Variants in NLGN4Y observed in about 807,000 individuals in gnomAD.
NLGN4Y encodes the protein neuroligin 4 Y-linked.
A neutral mutation model predicts 8.4 loss-of-function variants in NLGN4Y; 4 were observed. The observed-to-expected ratio is 0.48, with a 90% confidence interval of 0.23 to 1.09. The LOEUF is 1.09. Ranked by LOEUF, NLGN4Y falls within the 50% of genes least tolerant of loss-of-function variation. The probability of loss-of-function intolerance (pLI) is 0.19; values close to 1 mark genes in which losing one functional copy is unlikely to be tolerated. For synonymous variants in NLGN4Y, 35 were observed against 75.6 expected (o/e 0.46, Z 2.78); for missense variants, 90 against 192.3 (o/e 0.47, Z 3.15).
intron 1 of NLGN4Y, among the ~76,000 whole-genome samples, chrY:14,562,259 AG>A (rs2080230855): frequency 3.0e-5 from 1 of 33,400 alleles, no homozygotes; most frequent in South Asian, 6.7e-4. Flanking sequence ...GATGTAAGAA[AG>A]GGGTCCAGTT....
chrY:14,680,377 C>T, intron 2 of NLGN4Y, among the ~76,000 whole-genome samples: 3 of 33,119 alleles, frequency 9.1e-5, no homozygotes, highest in African/African-American at 3.5e-4. Context: ...TTGTTTGAAA[C>T]TTTACCTGTG....
chrY:14,764,195 CCTTT>C (rs2081087984), intron 4 of NLGN4Y, among the ~76,000 whole-genome samples: 4 of 33,065 alleles, frequency 1.2e-4, no homozygotes, highest in African/African-American at 4.7e-4. Flanking sequence ...GCAATGATCA[CCTTT>C]CTTTCATTGT....
At chrY:14,618,923 A>T (rs2080499298) in intron 1 of NLGN4Y, among the ~76,000 whole-genome samples, 1 of 33,769 alleles carries the variant, frequency 3.0e-5, no homozygotes, top group Admixed American at 2.7e-4. Context: ...ATTTTTTGCA[A>T]ATTTGCTAAA....
At chrY:14,743,451 C>T in intron 4 of NLGN4Y, among the ~76,000 whole-genome samples, 2 of 30,247 alleles carry the variant, frequency 6.6e-5, no homozygotes, top group African/African-American at 1.3e-4. Flanking sequence ...GAGATCATCC[C>T]ACTGCATTCC....
chrY:14,781,590 G>A, intron 4 of NLGN4Y, among the ~76,000 whole-genome samples: 1 of 33,391 alleles, frequency 3.0e-5, no homozygotes, highest in Non-Finnish European at 7.4e-5. Flanking sequence ...ACTGGGTGGT[G>A]TATATCTGTC....
chrY:14,806,036 G>A (rs767771588), intron 4 of NLGN4Y, among the ~76,000 whole-genome samples: 1 of 33,713 alleles, frequency 3.0e-5, no homozygotes, highest in South Asian at 6.8e-4. Context: ...CAGCTACTCA[G>A]GAGACTGAGG....
At chrY:14,623,972 T>G in intron 2 of NLGN4Y, among the ~76,000 whole-genome samples, 1 of 33,532 alleles carries the variant, frequency 3.0e-5, no homozygotes, top group Non-Finnish European at 7.3e-5. Context: ...GACGTTTGGA[T>G]GCTGTACTTC....
At chrY:14,824,589 A>T in intron 5 of NLGN4Y, among the ~76,000 whole-genome samples, 2 of 33,992 alleles carry the variant, frequency 5.9e-5, no homozygotes, top group Non-Finnish European at 1.5e-4. Flanking sequence ...CAGAGGCATG[A>T]TCATAGCTCA....
Position 14,544,754 on chromosome Y carries a change from A to AT in NLGN4Y, c.-112+20055dup, listed in dbSNP as rs754584579. Reference sequence around the variant, plus strand: ...TAAACTTTAGGTTAAAACCGCAAACATTTTTTTTTCCTCGTGCAATTTTCT... The same window carrying AT: ...TAAACTTTAGGTTAAAACCGCAAACATTTTTTTTTTCCTCGTGCAATTTTCT... On this transcript the variant is annotated intron_variant, in intron 1 of 6. Transcript: ENST00000684976. Among the ~76,000 whole-genome samples the AT allele has an allele frequency of 2.2e-4, 6 of 27,754 alleles. No homozygotes were observed. The East Asian group carries it at 4.6e-3, about 21-fold the overall frequency. The allele number at this position is 27,754 out of a possible 37,273, so 74.5% of individuals were successfully genotyped here.
At chrY:14,784,199 G>A (rs2042952387) in intron 4 of NLGN4Y, among the ~76,000 whole-genome samples, 2 of 33,779 alleles carry the variant, frequency 5.9e-5, no homozygotes, top group African/African-American at 2.3e-4. Flanking sequence ...ATGCTGACAA[G>A]GTTGTAGAGA....
At chrY:14,679,151 A>AT (rs2080760007) in intron 2 of NLGN4Y, among the ~76,000 whole-genome samples, 2 of 32,234 alleles carry the variant, frequency 6.2e-5, no homozygotes, top group South Asian at 7.0e-4. Flanking sequence ...CCAGATATAT[A>AT]TTTTTTTATT....
At chrY:14,605,773 T>G in intron 1 of NLGN4Y, among the ~76,000 whole-genome samples, 1 of 33,967 alleles carries the variant, frequency 2.9e-5, no homozygotes, top group Non-Finnish European at 7.3e-5. Flanking sequence ...CTAAATTTTA[T>G]AGAAACTGCA....
chrY:14,697,402 T>C (rs2150540890), intron 2 of NLGN4Y, among the ~76,000 whole-genome samples: 1 of 31,245 alleles, frequency 3.2e-5, no homozygotes. Flanking sequence ...CATAGATAAA[T>C]GATAGCTCAT....
chrY:14,807,134 C>A (rs2043060543), intron 4 of NLGN4Y, among the ~76,000 whole-genome samples: 1 of 33,410 alleles, frequency 3.0e-5, no homozygotes, highest in Non-Finnish European at 7.4e-5. Flanking sequence ...GCCAGTAGGA[C>A]AATTTTAGTG....
At chrY:14,537,259 C>G in intron 1 of NLGN4Y, among the ~76,000 whole-genome samples, 1 of 33,007 alleles carries the variant, frequency 3.0e-5, no homozygotes, top group Non-Finnish European at 7.4e-5. Flanking sequence ...ACAGCTGTCC[C>G]TGCTGTGGTC....
chrY:14,680,236 T>G (rs2080763644), intron 2 of NLGN4Y, among the ~76,000 whole-genome samples: 1 of 33,266 alleles, frequency 3.0e-5, no homozygotes, highest in African/African-American at 1.2e-4. Flanking sequence ...CATTCCCTCC[T>G]AAATTGTAAG....
chrY:14,593,084 TA>T (rs2080379276), intron 1 of NLGN4Y, among the ~76,000 whole-genome samples: 1 of 33,498 alleles, frequency 3.0e-5, no homozygotes, highest in Non-Finnish European at 7.4e-5. Context: ...ATCGTGGCTT[TA>T]AAAGCTGGAA....
intron 4 of NLGN4Y, 144 bp downstream of exon 4, chrY:14,723,413 G>T: frequency 5.8e-6 from 1 of 171,181 alleles, no homozygotes; most frequent in East Asian, 1.2e-4. Context: ...ATGTTATCAG[G>T]TATGTTTTTT....
At chrY:14,728,074 G>A in intron 4 of NLGN4Y, among the ~76,000 whole-genome samples, 1 of 33,992 alleles carries the variant, frequency 2.9e-5, no homozygotes, top group Non-Finnish European at 7.3e-5. Context: ...AGTGTTTGGA[G>A]CTTGGACCAG....
Sources: gnomAD v4.1 joint callset for allele counts (sites outside exome capture counted in the v4.1 genomes callset) on GRCh38, gnomAD v4.1.1 for gene constraint, MANE v1.5 for transcripts, NCBI Gene and HGNC (gene_info 2026-07-23, HGNC 2026-07-21) for gene names.